The following EXOSC4 variants were observed in gnomAD, a reference collection of about 807,000 sequenced individuals.
EXOSC4 encodes exosome component 4.
In EXOSC4, 14 loss-of-function variants were observed where a neutral mutation model predicts 20.0. The ratio of observed to expected loss-of-function variants is 0.70; its 90% confidence interval spans 0.46 to 1.09. The LOEUF is 1.09. Ranked by LOEUF, EXOSC4 falls within the 50% of genes least tolerant of loss-of-function variation. The probability of loss-of-function intolerance (pLI) is 0.00; values close to 1 mark genes in which losing one functional copy is unlikely to be tolerated. For synonymous variants in EXOSC4, 148 were observed against 146.4 expected, an observed-to-expected ratio of 1.01 and a Z score of -0.08; for missense variants, 337 against 334.0, an observed-to-expected ratio of 1.01 and a Z score of -0.07.
rs765969412 is a variant in EXOSC4 at position 144,080,647 on chromosome 8, C to T, written c.*46C>T. On this transcript the variant is annotated 3_prime_UTR_variant, in exon 3 of 3. Coordinates refer to ENST00000316052, the MANE Select transcript of EXOSC4 (RefSeq NM_019037.3). This position sits in a 1 kb window ranked among gnomAD's most constrained non-coding sequence, Gnocchi z 4.9. ...AGAATAAAACCCTCCTCTGCCCACA[C>T]ACCCCTCACTGTACGTTATCACCTA... is the stretch of plus-strand genomic sequence containing the variant. 5.7e-6 allele frequency: 9 copies of T among 1,572,844 alleles called. No homozygotes were observed. Among genetic ancestry groups the T allele is most frequent in the Admixed American group, 1.7e-5 (1 of 58,926 alleles).
chr8:144,073,143 T>C, the EXOSC4 span, among the ~76,000 whole-genome samples: 1 of 152,200 alleles, frequency 6.6e-6, no homozygotes, highest in Non-Finnish European at 1.5e-5. Context: ...CCCAGCACTT[T>C]GGGAGGCCAA....
At chr8:144,074,095 G>A (rs1401315512), upstream of EXOSC4, among the ~76,000 whole-genome samples, 4 of 152,200 alleles carry the variant, frequency 2.6e-5, no homozygotes, top group African/African-American at 4.8e-5. Flanking sequence ...CAGGAATCTC[G>A]GGGATCAGTT....
At chr8:144,068,070 G>A in the EXOSC4 span, among the ~76,000 whole-genome samples, 3 of 152,282 alleles carry the variant, frequency 2.0e-5, no homozygotes, top group South Asian at 2.1e-4. Flanking sequence ...ACCATTTGAC[G>A]CTGGAAGCCT....
upstream of EXOSC4, chr8:144,078,594 C>G (rs566066784): frequency 1.0e-6 from 1 of 1,000,534 alleles, no homozygotes; most frequent in Non-Finnish European, 1.4e-6. This position sits in a 1 kb window ranked among gnomAD's most constrained non-coding sequence, Gnocchi z 4.7. Flanking sequence ...CCGCGGAGAG[C>G]TGTAGTTCCC....
chr8:144,068,533 T>C, the EXOSC4 span, among the ~76,000 whole-genome samples: 2 of 152,192 alleles, frequency 1.3e-5, no homozygotes, highest in Non-Finnish European at 2.9e-5. Context: ...TGACGCTCTG[T>C]GTTCTCCGGG....
At chr8:144,068,845 C>A in the EXOSC4 span, among the ~76,000 whole-genome samples, 1 of 152,200 alleles carries the variant, frequency 6.6e-6, no homozygotes, top group African/African-American at 2.4e-5. Context: ...GAAGACGAGG[C>A]CTCCCGTCCC....
chr8:144,080,614 C>G lies in EXOSC4; in HGVS notation c.*13C>G. Reference sequence around the variant, plus strand: ...GCTGGGGGACTGACCACCCAGCCACCCATGTCCAGAATAAAACCCTCCTCT... The same window carrying G: ...GCTGGGGGACTGACCACCCAGCCACGCATGTCCAGAATAAAACCCTCCTCT... On this transcript the variant is annotated 3_prime_UTR_variant, in exon 3 of 3. Coordinates refer to ENST00000316052, the MANE Select transcript of EXOSC4 (RefSeq NM_019037.3). The surrounding 1 kb of genome is among the most constrained non-coding windows in gnomAD (Gnocchi z 4.9). 6.3e-7 allele frequency: 1 copy of G among 1,593,706 alleles called. No individual in the cohort carries two copies. Among genetic ancestry groups the G allele is most frequent in the South Asian group, 1.1e-5 (1 of 90,706 alleles).
chr8:144,075,554 G>A (rs782339562), upstream of EXOSC4, among the ~76,000 whole-genome samples: 3 of 152,044 alleles, frequency 2.0e-5, no homozygotes, highest in Non-Finnish European at 2.9e-5. Flanking sequence ...TGCATTTTTT[G>A]TAGAGATGGG....
At chr8:144,066,722 AT>A in the EXOSC4 span, among the ~76,000 whole-genome samples, 1 of 151,870 alleles carries the variant, frequency 6.6e-6, no homozygotes, top group East Asian at 1.9e-4. Flanking sequence ...GGGATTAGGG[AT>A]TACAAGTATG....
chr8:144,079,468 A>G (rs1835873595), intron 1 of EXOSC4: 1 of 332,176 alleles, frequency 3.0e-6, no homozygotes, highest in Admixed American at 4.4e-5. Flanking sequence ...GGCGGAGGGA[A>G]CCAGAAGGGC....
intron 1 of EXOSC4, chr8:144,079,133 C>G: frequency 2.3e-6 from 1 of 433,580 alleles, no homozygotes; most frequent in South Asian, 5.3e-5. Context: ...TGCGGCTCTT[C>G]AACGTGCTAG....
upstream of EXOSC4, among the ~76,000 whole-genome samples, chr8:144,074,060 G>T (rs1835814709): frequency 6.6e-6 from 1 of 152,206 alleles, no homozygotes; most frequent in African/African-American, 2.4e-5. Flanking sequence ...GCTGTAAGGA[G>T]TTGGCGCTCG....
the EXOSC4 span, among the ~76,000 whole-genome samples, chr8:144,066,332 T>C: frequency 6.6e-6 from 1 of 151,686 alleles, no homozygotes; most frequent in African/African-American, 2.4e-5. Flanking sequence ...GGTCTCACTA[T>C]GTTGCCCAGG....
Position 144,078,999 on chromosome 8 carries a change from G to GA in EXOSC4, c.171+100_171+101insA. 20 of 1,283,338 alleles carry GA rather than the reference G, an allele frequency of 1.6e-5. No homozygotes were observed. The highest frequency in any genetic ancestry group is 1.1e-4 in the South Asian group (6 of 53,844). 79.5% of individuals were successfully genotyped at this position (1,283,338 alleles called of 1,614,324 possible). ...GGACTTGAGGGGCAACGGCCGGCGC[G>GA]CCTCAGTCTACACAGCCGATGCTCA... On this transcript the variant is annotated intron_variant, in intron 1 of 2. Transcript: ENST00000316052. This position sits in a 1 kb window ranked among gnomAD's most constrained non-coding sequence, Gnocchi z 4.7.
In EXOSC4 at chr8:144,078,674, A is replaced by C; in HGVS notation, c.-55A>C. Reference sequence around the variant, plus strand: ...GGCGGTCGGAGCCGCCGGGAGCTGTAGTTCTCCCGCGGCTCAGAGAAGTAG... The same window carrying C: ...GGCGGTCGGAGCCGCCGGGAGCTGTCGTTCTCCCGCGGCTCAGAGAAGTAG... On this transcript the variant is annotated 5_prime_UTR_variant, in exon 1 of 3. Transcript: ENST00000316052. The surrounding 1 kb of genome is among the most constrained non-coding windows in gnomAD (Gnocchi z 4.7). 7.4e-7 allele frequency: 1 copy of C among 1,348,312 alleles called. No homozygotes were observed. The allele number at this position is 1,348,312 out of a possible 1,614,324, so 83.5% of individuals were successfully genotyped here. A position where few individuals can be genotyped will look rare whatever the true frequency, so the allele number is the denominator to read the frequency against.
chr8:144,078,303 G>T (rs1270624002), upstream of EXOSC4: 2 of 158,840 alleles, frequency 1.3e-5, no homozygotes, highest in South Asian at 1.7e-4. This position sits in a 1 kb window ranked among gnomAD's most constrained non-coding sequence, Gnocchi z 4.7. Flanking sequence ...GGGGCGCGGG[G>T]AAGGGCTGAA....
chr8:144,073,154 G>A, the EXOSC4 span, among the ~76,000 whole-genome samples: 2 of 151,970 alleles, frequency 1.3e-5, no homozygotes, highest in South Asian at 2.1e-4. Context: ...GGGAGGCCAA[G>A]GTGGGCGGAT....
At chr8:144,074,584 T>A (rs1220863931), upstream of EXOSC4, among the ~76,000 whole-genome samples, 1 of 152,086 alleles carries the variant, frequency 6.6e-6, no homozygotes, top group Non-Finnish European at 1.5e-5. Flanking sequence ...TTTGGTTTGT[T>A]TTTTTGAGAC....
the EXOSC4 span, among the ~76,000 whole-genome samples, chr8:144,070,834 A>C: frequency 6.6e-6 from 1 of 152,084 alleles, no homozygotes; most frequent in Non-Finnish European, 1.5e-5. Flanking sequence ...GTCTTGAAAA[A>C]AAAAAAATTT....
Sources: allele counts gnomAD v4.1 joint callset (sites outside exome capture counted in the v4.1 genomes callset), GRCh38; gene constraint gnomAD v4.1.1; non-coding constraint Gnocchi (gnomAD v3.1); transcripts MANE v1.5; gene names NCBI Gene and HGNC (gene_info 2026-07-23, HGNC 2026-07-21).